The following AK5 variants were observed in gnomAD, a reference collection of about 807,000 sequenced individuals.
The protein encoded by AK5 is adenylate kinase isoenzyme 5.
AK5 carries 27 observed loss-of-function variants against 69.5 expected under a neutral mutation model. The ratio of observed to expected loss-of-function variants is 0.39; its 90% CI spans 0.29 to 0.54. The LOEUF is 0.54. AK5 is among the 20% of genes least tolerant of loss of function. AK5 has a pLI of 0.71. For synonymous variants in AK5, 260 were observed against 244.4 expected, an observed-to-expected ratio of 1.06 and a Z score of -0.60; for missense variants, 531 against 700.4, an observed-to-expected ratio of 0.76 and a Z score of 2.73.
chr1:77,518,889 G>C (rs1447319383), intron 11 of AK5, among the ~76,000 whole-genome samples, 162 bp downstream of exon 11: 1 of 152,148 alleles, frequency 6.6e-6, no homozygotes, highest in Non-Finnish European at 1.5e-5. Flanking sequence ...CAGGTCTACA[G>C]CAGACAGACC....
intron 6 of AK5, among the ~76,000 whole-genome samples, chr1:77,359,062 T>C (rs1271803511): frequency 6.6e-6 from 1 of 152,030 alleles, no homozygotes; most frequent in East Asian, 1.9e-4. Flanking sequence ...GAGACCATCC[T>C]GGCTAACGCG....
intron 5 of AK5, among the ~76,000 whole-genome samples, chr1:77,324,462 TA>T (rs1660693658): frequency 6.6e-6 from 1 of 152,134 alleles, no homozygotes; most frequent in Non-Finnish European, 1.5e-5. Context: ...TCATCTTGTG[TA>T]CCACATTCAA....
At chr1:77,528,883 C>T (rs1328060751) in intron 12 of AK5, among the ~76,000 whole-genome samples, 1 of 152,180 alleles carries the variant, frequency 6.6e-6, no homozygotes, top group Non-Finnish European at 1.5e-5. Context: ...AGTCAGCTAA[C>T]TTTGTAGATC....
At chr1:77,338,655 C>T (rs12128049) in intron 5 of AK5, among the ~76,000 whole-genome samples, 14,324 of 152,072 alleles carry the variant, frequency 0.094, 804 homozygotes, top group Middle Eastern at 0.17. Context: ...ATGATCTAAG[C>T]CTTGGAAAAC....
intron 13 of AK5, among the ~76,000 whole-genome samples, chr1:77,542,743 T>C (rs2100376005): frequency 6.6e-6 from 1 of 152,346 alleles, no homozygotes; most frequent in East Asian, 1.9e-4. Context: ...CACCCAAAGA[T>C]AATCACCAAT....
chr1:77,356,566 A>G (rs912779248), intron 6 of AK5, among the ~76,000 whole-genome samples: 1 of 152,194 alleles, frequency 6.6e-6, no homozygotes, highest in Non-Finnish European at 1.5e-5. Context: ...CAGTTCTACC[A>G]TCTGAAAACT....
chr1:77,529,027 T>C (rs1240762954), intron 12 of AK5, among the ~76,000 whole-genome samples: 1 of 152,176 alleles, frequency 6.6e-6, no homozygotes, highest in East Asian at 1.9e-4. Context: ...GTCTTTACAG[T>C]TTTTTTAATA....
intron 5 of AK5, among the ~76,000 whole-genome samples, chr1:77,303,863 A>C (rs1342366590): frequency 6.6e-6 from 1 of 152,126 alleles, no homozygotes; most frequent in Non-Finnish European, 1.5e-5. Context: ...AACTTTTTTT[A>C]TTTTAACTTT....
At chr1:77,314,684 T>G (rs899190781) in intron 5 of AK5, 13 of 152,154 alleles carry the variant, frequency 8.5e-5, no homozygotes, top group Non-Finnish European at 1.9e-4. Flanking sequence ...TATTTGAAAC[T>G]ATATATTTAT....
chr1:77,486,315 G>A lies in AK5; in HGVS notation c.1110G>A (p.Met370Ile), dbSNP rs1374224213. Residue 370 changes from methionine (M) to isoleucine (I), a missense_variant, in exon 10 of 14, where the codon ATG (methionine) becomes ATA (isoleucine). Coordinates refer to ENST00000354567, the MANE Select transcript of AK5 (RefSeq NM_174858.3). The part of the protein sequence containing the change: ...VFGEDTMGGF[M>I]EDLRKCKIIF... Reference sequence around the variant, plus strand: ...GTTATTCTTATTTTAAAGGTTTCATGGAAGATTTGAGAAAGTGTAAAATTA... The same window carrying A: ...GTTATTCTTATTTTAAAGGTTTCATAGAAGATTTGAGAAAGTGTAAAATTA... 1 of 1,578,316 alleles carries A rather than the reference G, an allele frequency of 6.3e-7. No homozygotes were observed. Among genetic ancestry groups the A allele is most frequent in the Non-Finnish European group, 8.7e-7 (1 of 1,150,166 alleles).
rs373231088 is a variant in AK5 at position 77,535,828 on chromosome 1, G to A, written c.1429-19G>A. 6.2e-7 allele frequency: 1 copy of A among 1,605,850 alleles called. No individual in the cohort carries two copies. The highest frequency in any genetic ancestry group is 1.3e-5 in the African/African-American group (1 of 74,550). On this transcript the variant is annotated intron_variant, in intron 12 of 13. Coordinates refer to ENST00000354567, the MANE Select transcript of AK5 (RefSeq NM_174858.3). ...AGGGTGAGGTTTCTGACTGTGTTGT[G>A]CTCCACTCCCATCTCCAGATTGGAG...
At chr1:77,465,863 C>G (rs764316958) in intron 8 of AK5, among the ~76,000 whole-genome samples, 1 of 152,100 alleles carries the variant, frequency 6.6e-6, no homozygotes, top group Admixed American at 6.5e-5. Flanking sequence ...AAAATTCTTG[C>G]GATCATCTCA....
At chr1:77,299,712 T>TC (rs1290510390) in intron 5 of AK5, among the ~76,000 whole-genome samples, 18 of 152,162 alleles carry the variant, frequency 1.2e-4, no homozygotes, top group Non-Finnish European at 5.9e-5. Flanking sequence ...TGGCAGCCAT[T>TC]CCATGTGATT....
At position 77,340,454 on chromosome 1, in the gene AK5, A is replaced by G. The variant is rs775326592; in HGVS notation, c.777A>G (p.Glu259=). Residue 259 remains glutamate, a synonymous_variant, in exon 6 of 14, where the codon GAA becomes GAG. Transcript: ENST00000354567. The part of the protein sequence containing the change: ...RLKERLLKRA[E]QQGRPDDNVK... ...AAGAAAGATTACTGAAGCGTGCAGA[A>G]CAGCAGGGCCGACCAGACGACAATG... The G allele has an allele frequency of 8.7e-6, 14 of 1,614,182 alleles. No homozygotes were observed. In the African/African-American group the frequency reaches 1.1e-4, roughly 12 times the overall value.
chr1:77,499,093 T>G (rs1656537845), intron 10 of AK5, among the ~76,000 whole-genome samples: 1 of 152,200 alleles, frequency 6.6e-6, no homozygotes, highest in Admixed American at 6.5e-5. Context: ...ATTTTTTGCC[T>G]TGAAGAATGA....
intron 8 of AK5, among the ~76,000 whole-genome samples, chr1:77,446,797 TA>T (rs2100649618): frequency 6.6e-6 from 1 of 152,336 alleles, no homozygotes; most frequent in African/African-American, 2.4e-5. Flanking sequence ...AAAGCCGATT[TA>T]AAATTAAAAT....
At chr1:77,399,073 T>G (rs1211671495) in intron 6 of AK5, among the ~76,000 whole-genome samples, 3 of 152,200 alleles carry the variant, frequency 2.0e-5, no homozygotes, top group Non-Finnish European at 4.4e-5. Context: ...TTTACTACAT[T>G]GGGGTTTATT....
chr1:77,378,610 C>T (rs951235984), intron 6 of AK5, among the ~76,000 whole-genome samples: 11 of 152,106 alleles, frequency 7.2e-5, no homozygotes, highest in African/African-American at 2.2e-4. Flanking sequence ...CATAAGCCAT[C>T]GCACCAGGCC....
intron 6 of AK5, among the ~76,000 whole-genome samples, chr1:77,397,144 C>G (rs2100540269): frequency 6.6e-6 from 1 of 152,354 alleles, no homozygotes; most frequent in African/African-American, 2.4e-5. Flanking sequence ...GCACCCTCAT[C>G]TTCTTCAAAG....
Sources: allele counts gnomAD v4.1 joint callset (sites outside exome capture counted in the v4.1 genomes callset), GRCh38; gene constraint gnomAD v4.1.1; transcripts MANE v1.5; gene names NCBI Gene and HGNC (gene_info 2026-07-23, HGNC 2026-07-21).